NUDT4: variants seen among roughly 807,000 people sequenced by gnomAD.
NUDT4 encodes diphosphoinositol polyphosphate phosphohydrolase 2.
Under a neutral mutation model 23.1 loss-of-function variants are expected in NUDT4, and 5 were observed. That is an observed-to-expected ratio of 0.22 (90% CI 0.11 to 0.46). The LOEUF is 0.46. NUDT4 is among the 20% of genes least tolerant of loss of function. The pLI, the probability that NUDT4 is intolerant of heterozygous loss-of-function variation, is 0.99. For synonymous variants in NUDT4, 50 were observed against 79.0 expected (o/e 0.63, Z 1.95); for missense variants, 96 against 211.6 (o/e 0.45, Z 3.39).
intron 3 of NUDT4, among the ~76,000 whole-genome samples, chr12:93,396,717 A>G (rs771356958): frequency 1.3e-5 from 2 of 152,110 alleles, no homozygotes; most frequent in South Asian, 2.1e-4. Context: ...ATTCAAGACC[A>G]GCTTGGCCAA....
In NUDT4 at chr12:93,404,162, T is replaced by C. The variant is rs553060378; in HGVS notation, c.*4783T>C. 5.3e-5 allele frequency: 8 copies of C among 152,302 alleles called. No homozygotes were observed. In the South Asian group the frequency reaches 1.7e-3, roughly 32 times the overall value. 9.4% of individuals were successfully genotyped at this position (152,302 alleles called of 1,614,324 possible). ...GTACTTTCATTTGGCCATCATTATT[T>C]ATCAACCTTAAGAAACATGCCTATT... On this transcript the variant is annotated 3_prime_UTR_variant, in exon 5 of 5. Transcript: ENST00000415493.
At chr12:93,380,422 C>T (rs1592712063) in intron 1 of NUDT4, among the ~76,000 whole-genome samples, 1 of 152,086 alleles carries the variant, frequency 6.6e-6, no homozygotes, top group African/African-American at 2.4e-5. Flanking sequence ...AAATTCATAG[C>T]CTCTAGTTGA....
At chr12:93,393,957 T>TA in intron 1 of NUDT4, among the ~76,000 whole-genome samples, 1 of 152,212 alleles carries the variant, frequency 6.6e-6, no homozygotes, top group Non-Finnish European at 1.5e-5. Context: ...TAAATAAACT[T>TA]ATGTGACCAT....
rs1382440554 is a variant in NUDT4 at position 93,405,881 on chromosome 12, TAAAG to T, written c.*6503_*6506del. The T allele has an allele frequency of 6.6e-6, 1 of 152,178 alleles. No homozygotes were observed. The allele number at this position is 152,178 out of a possible 1,614,324, so 9.4% of individuals were successfully genotyped here. A position where few individuals can be genotyped will look rare whatever the true frequency, so the allele number is the denominator to read the frequency against. ...AATGAAATATTACATTTTTCTTAAA[TAAAG>T]CAATAAATTAGGTACCCTATTATCA... On this transcript the variant is annotated 3_prime_UTR_variant, in exon 5 of 5. Coordinates refer to ENST00000415493, the MANE Select transcript of NUDT4 (RefSeq NM_019094.6).
intron 1 of NUDT4, 113 bp downstream of exon 1, chr12:93,378,534 C>T: frequency 6.2e-6 from 8 of 1,296,416 alleles, no homozygotes; most frequent in Non-Finnish European, 8.0e-6. Flanking sequence ...GGATTAGCCC[C>T]CTTCCTCCCT....
chr12:93,378,542 C>G (rs1046465300), intron 1 of NUDT4, 121 bp downstream of exon 1: 1 of 1,308,704 alleles, frequency 7.6e-7, no homozygotes. Context: ...CCCCTTCCTC[C>G]CTCCCTCCTT....
rs1877748043 is a variant in NUDT4, at chr12:93,405,367, C to T, written c.*5988C>T. The T allele has an allele frequency of 6.6e-6, 1 of 152,166 alleles. No individual in the cohort carries two copies. Among genetic ancestry groups the T allele is most frequent in the Non-Finnish European group, 1.5e-5 (1 of 68,032 alleles). The allele number at this position is 152,166 out of a possible 1,614,324, so 9.4% of individuals were successfully genotyped here. ...AGAAAGAAAAATCATGTGATCAATT[C>T]AGTAGTAGAGACAGAGGTTGGTATC... On this transcript the variant is annotated 3_prime_UTR_variant, in exon 5 of 5. Transcript: ENST00000415493.
At chr12:93,379,038 A>G (rs1046606226) in intron 1 of NUDT4, among the ~76,000 whole-genome samples, 3 of 152,196 alleles carry the variant, frequency 2.0e-5, no homozygotes, top group Non-Finnish European at 4.4e-5. Flanking sequence ...ATGGTTAGTG[A>G]AAAATGTGGA....
chr12:93,397,533 GTT>G (rs35441356), intron 3 of NUDT4, among the ~76,000 whole-genome samples: 1 of 145,568 alleles, frequency 6.9e-6, no homozygotes, highest in Non-Finnish European at 1.5e-5. Context: ...TTTAATTTAT[GTT>G]TTTTTTTTTT....
At chr12:93,385,975 A>ATATATATATATATATAC (rs1876059266) in intron 1 of NUDT4, among the ~76,000 whole-genome samples, 1 of 128,868 alleles carries the variant, frequency 7.8e-6, no homozygotes, top group African/African-American at 2.9e-5. Context: ...ATATATACAT[A>ATATATATATATATATAC]ATTTTTTTTT....
intron 1 of NUDT4, among the ~76,000 whole-genome samples, chr12:93,385,952 T>TATATAC (rs1876048543): frequency 7.4e-6 from 1 of 135,922 alleles, no homozygotes; most frequent in Non-Finnish European, 1.6e-5. Flanking sequence ...TATATATATA[T>TATATAC]ATATATATAT....
At chr12:93,393,308 T>G (rs1217720327) in intron 1 of NUDT4, among the ~76,000 whole-genome samples, 1 of 151,814 alleles carries the variant, frequency 6.6e-6, no homozygotes, top group Non-Finnish European at 1.5e-5. Flanking sequence ...CACCATGTTT[T>G]GTCCAGGCTG....
chr12:93,382,840 T>C, intron 1 of NUDT4, among the ~76,000 whole-genome samples: 1 of 152,258 alleles, frequency 6.6e-6, no homozygotes, highest in African/African-American at 2.4e-5. Flanking sequence ...TTTTTGTATT[T>C]TTAGTAGAGA....
chr12:93,380,302 A>C (rs577576479), intron 1 of NUDT4, among the ~76,000 whole-genome samples: 1 of 152,242 alleles, frequency 6.6e-6, no homozygotes, highest in African/African-American at 2.4e-5. Context: ...GATGATCTCT[A>C]TTGTGCTTAT....
intron 1 of NUDT4, among the ~76,000 whole-genome samples, chr12:93,382,718 C>T (rs1453347813): frequency 7.4e-6 from 1 of 135,198 alleles, no homozygotes; most frequent in Non-Finnish European, 1.5e-5. Flanking sequence ...GCTCTGTCCT[C>T]CAGGCTGGAG....
rs1339858453 is a variant in NUDT4 at position 93,404,108 on chromosome 12, C to T, written c.*4729C>T. 1 of 152,242 alleles carries T rather than the reference C, an allele frequency of 6.6e-6. No homozygotes were observed. Among genetic ancestry groups the T allele is most frequent in the Non-Finnish European group, 1.5e-5 (1 of 68,040 alleles). 9.4% of individuals were successfully genotyped at this position (152,242 alleles called of 1,614,324 possible). A position where few individuals can be genotyped will look rare whatever the true frequency, so the allele number is the denominator to read the frequency against. On this transcript the variant is annotated 3_prime_UTR_variant, in exon 5 of 5. Transcript: ENST00000415493. ...TGGAAGTAAATTTTCCTGCTTTTCT[C>T]AACTTTTCCTCAAATTCATGTTAGT... is the stretch of plus-strand genomic sequence containing the variant.
chr12:93,394,093 C>T (rs947316606), intron 1 of NUDT4, among the ~76,000 whole-genome samples: 2 of 152,024 alleles, frequency 1.3e-5, no homozygotes, highest in Non-Finnish European at 2.9e-5. Flanking sequence ...ACCTCCACCT[C>T]CTGGGTTCAA....
intron 3 of NUDT4, 31 bp downstream of exon 3, chr12:93,395,564 A>AT (rs1565782353): frequency 6.5e-7 from 1 of 1,543,424 alleles, no homozygotes; most frequent in South Asian, 1.1e-5. Flanking sequence ...CACTTTGCTG[A>AT]TAATAGAATT....
rs553565629 is a variant in NUDT4 at position 93,405,050 on chromosome 12, A to C, written c.*5671A>C. On this transcript the variant is annotated 3_prime_UTR_variant, in exon 5 of 5. Transcript: ENST00000415493. ...AAATATTTACTGTTTTAGGAGAAAAAAACAACATGAATTGTAATAACTTGG... is the reference window on the plus strand; with the variant it reads ...AAATATTTACTGTTTTAGGAGAAAACAACAACATGAATTGTAATAACTTGG... The C allele has an allele frequency of 1.3e-5, 2 of 152,272 alleles. No homozygotes were observed. Among genetic ancestry groups the C allele is most frequent in the South Asian group, 4.1e-4 (2 of 4,824 alleles). The allele number at this position is 152,272 out of a possible 1,614,324, so 9.4% of individuals were successfully genotyped here. A position where few individuals can be genotyped will look rare whatever the true frequency, so the allele number is the denominator to read the frequency against.
Sources: allele counts gnomAD v4.1 joint callset (sites outside exome capture counted in the v4.1 genomes callset), GRCh38; gene constraint gnomAD v4.1.1; transcripts MANE v1.5; gene names NCBI Gene and HGNC (gene_info 2026-07-23, HGNC 2026-07-21).